Variants in DENND4A observed in about 807,000 individuals in gnomAD.
DENND4A encodes C-myc promoter-binding protein.
Under a neutral mutation model 199.3 loss-of-function variants are expected in DENND4A, and 70 were observed. The observed-to-expected ratio is 0.35, with a 90% CI of 0.29 to 0.43. DENND4A has a LOEUF of 0.43. DENND4A is among the 20% of genes least tolerant of loss of function. The pLI, the probability that DENND4A is intolerant of heterozygous loss-of-function variation, is 1.00. For missense variants in DENND4A, 1,723 were observed against 2,255.8 expected, an observed-to-expected ratio of 0.76 and a Z score of 4.78; for synonymous variants, 686 against 766.9, an observed-to-expected ratio of 0.89 and a Z score of 1.74.
intron 14 of DENND4A, among the ~76,000 whole-genome samples, chr15:65,709,695 C>CAAAAAAAA (rs1171075195): frequency 8.3e-5 from 3 of 36,170 alleles, no homozygotes; most frequent in African/African-American, 1.0e-4. Flanking sequence ...AACTCCATCT[C>CAAAAAAAA]AAAAAAAAAA....
chr15:65,674,974 G>T (rs1444662491), intron 24 of DENND4A, among the ~76,000 whole-genome samples: 2 of 152,040 alleles, frequency 1.3e-5, no homozygotes, highest in East Asian at 3.8e-4. Context: ...GGATACATGG[G>T]GGTTCATAAT....
chr15:65,768,135 T>C (rs370600451), intron 1 of DENND4A, among the ~76,000 whole-genome samples: 141 of 152,182 alleles, frequency 9.3e-4, no homozygotes, highest in African/African-American at 3.3e-3. Flanking sequence ...CTTGGGACTA[T>C]AGGCGCACAC....
chr15:65,704,169 T>C (rs1020932943), intron 15 of DENND4A, among the ~76,000 whole-genome samples: 2 of 152,184 alleles, frequency 1.3e-5, no homozygotes, highest in African/African-American at 4.8e-5. Flanking sequence ...GACCATTTTG[T>C]GTGTCTTATT....
At chr15:65,791,547 G>A (rs2077723872) in intron 1 of DENND4A, among the ~76,000 whole-genome samples, 2 of 151,910 alleles carry the variant, frequency 1.3e-5, no homozygotes, top group African/African-American at 4.8e-5. Context: ...GCCGGGGAAG[G>A]CTGAACAGAC....
chr15:65,745,846 G>T (rs949038820), intron 4 of DENND4A, among the ~76,000 whole-genome samples: 4 of 151,910 alleles, frequency 2.6e-5, no homozygotes, highest in African/African-American at 9.7e-5. Context: ...TTAAAATTAA[G>T]AGCGGGGCCA....
At chr15:65,709,419 T>C (rs1199562335) in intron 14 of DENND4A, among the ~76,000 whole-genome samples, 2 of 152,068 alleles carry the variant, frequency 1.3e-5, no homozygotes, top group African/African-American at 2.4e-5. Flanking sequence ...TTAAGATACA[T>C]TTTGAGCCGG....
At chr15:65,674,629 C>T (rs899375980) in intron 24 of DENND4A, among the ~76,000 whole-genome samples, 2 of 151,820 alleles carry the variant, frequency 1.3e-5, no homozygotes, top group Admixed American at 1.3e-4. Context: ...CCTGTAGTCC[C>T]AGCTACTTGG....
intron 14 of DENND4A, chr15:65,715,120 A>C (rs141496128): frequency 5.5e-4 from 93 of 167,702 alleles, no homozygotes; most frequent in African/African-American, 2.1e-3. Flanking sequence ...ACCTACTTTC[A>C]GCATGTGATA....
intron 25 of DENND4A, 30 bp from the exon 26 acceptor site, chr15:65,670,218 A>C (rs2076175480): frequency 2.8e-6 from 4 of 1,438,322 alleles, no homozygotes; most frequent in Non-Finnish European, 2.8e-6. Flanking sequence ...TTTATAAAGA[A>C]AGCTGGTTAA....
Position 65,671,814 on chromosome 15 carries a change from A to T in DENND4A, c.4442T>A (p.Ile1481Asn). 1 of 1,610,092 alleles carries T rather than the reference A, an allele frequency of 6.2e-7. No homozygotes were observed. Among genetic ancestry groups the T allele is most frequent in the Non-Finnish European group, 8.5e-7 (1 of 1,176,298 alleles). The change falls in exon 25 of 33, where the codon ATC (isoleucine) becomes AAC (asparagine). Residue 1481 changes from isoleucine to asparagine, a missense_variant. Coordinates refer to ENST00000443035, the MANE Select transcript of DENND4A (RefSeq NM_001320835.1). ...TSSFNASNTN[I>N]FQNYAMEVLI... is the part of the protein sequence containing the mutation. ...TACCTCCATTGCATAGTTCTGGAAGATATTTGTATTACTCGCGTTGAAGGA... is the reference window on the plus strand; with the variant it reads ...TACCTCCATTGCATAGTTCTGGAAGTTATTTGTATTACTCGCGTTGAAGGA...
chr15:65,757,709 G>A (rs545347243), intron 2 of DENND4A, among the ~76,000 whole-genome samples: 2 of 152,236 alleles, frequency 1.3e-5, no homozygotes, highest in South Asian at 2.1e-4. Context: ...TTGGCCGAGC[G>A]CGGTGGCTCA....
chr15:65,677,682 A>C (rs916949494), intron 23 of DENND4A, among the ~76,000 whole-genome samples: 3 of 152,148 alleles, frequency 2.0e-5, no homozygotes, highest in African/African-American at 7.2e-5. Context: ...GAAGGGCAGG[A>C]ATCTTTTCCT....
At chr15:65,757,272 G>T (rs992410304) in intron 2 of DENND4A, among the ~76,000 whole-genome samples, 2 of 145,924 alleles carry the variant, frequency 1.4e-5, no homozygotes, top group South Asian at 2.3e-4. Context: ...TGGGGGGGGG[G>T]GGGTCTCACT....
intron 2 of DENND4A, among the ~76,000 whole-genome samples, chr15:65,758,818 T>C (rs1400302960): frequency 6.6e-6 from 1 of 152,154 alleles, no homozygotes; most frequent in Non-Finnish European, 1.5e-5. Flanking sequence ...ACTATATATA[T>C]AAAAATACTA....
intron 2 of DENND4A, among the ~76,000 whole-genome samples, chr15:65,757,600 T>C (rs933103986): frequency 3.3e-5 from 5 of 152,078 alleles, no homozygotes; most frequent in Non-Finnish European, 5.9e-5. Context: ...TTCCTAACAA[T>C]AGGCCTATTC....
intron 22 of DENND4A, among the ~76,000 whole-genome samples, chr15:65,693,850 G>T (rs2142098218): frequency 6.6e-6 from 1 of 151,798 alleles, no homozygotes; most frequent in South Asian, 2.1e-4. Flanking sequence ...ATGAAGGCAG[G>T]ATCCGTGTTT....
chr15:65,695,665 C>G (rs1023373814), intron 22 of DENND4A, among the ~76,000 whole-genome samples: 2 of 151,992 alleles, frequency 1.3e-5, no homozygotes, highest in Non-Finnish European at 2.9e-5. Context: ...TAAGCTAATA[C>G]AAAAAAATTT....
At chr15:65,742,409 A>G (rs1009117337) in intron 4 of DENND4A, among the ~76,000 whole-genome samples, 11 of 151,046 alleles carry the variant, frequency 7.3e-5, no homozygotes, top group African/African-American at 2.7e-4. Flanking sequence ...TCAGTCTCCC[A>G]AGTAGCTGGG....
chr15:65,664,429 T>C, intron 31 of DENND4A, 35 bp from the exon 32 acceptor site: 3 of 1,513,068 alleles, frequency 2.0e-6, no homozygotes, highest in Middle Eastern at 2.1e-4. Context: ...AATATTAGTA[T>C]CCATATAGTC....
Sources: allele counts gnomAD v4.1 joint callset (sites outside exome capture counted in the v4.1 genomes callset), GRCh38; gene constraint gnomAD v4.1.1; transcripts MANE v1.5; gene names NCBI Gene and HGNC (gene_info 2026-07-23, HGNC 2026-07-21).